Variants in GPAT3 observed in about 807,000 individuals in gnomAD.
GPAT3 encodes glycerol-3-phosphate acyltransferase 3, also known as 1-AGP acyltransferase 9.
GPAT3 carries 53 observed loss-of-function variants against 58.8 expected under a neutral mutation model. The ratio of observed to expected loss-of-function variants is 0.90; its 90% CI spans 0.72 to 1.13. The LOEUF (loss-of-function observed/expected upper bound fraction) is 1.13, where lower values mean the gene tolerates loss of function less well. GPAT3 is among the 50% of genes most tolerant of loss of function. The pLI is 0.00. For synonymous variants in GPAT3, 197 were observed against 187.4 expected (o/e 1.05, Z -0.42); for missense variants, 511 against 527.6 (o/e 0.97, Z 0.31).
intron 11 of GPAT3, among the ~76,000 whole-genome samples, chr4:83,599,483 T>C (rs1726974086): frequency 6.6e-6 from 1 of 152,196 alleles, no homozygotes; most frequent in East Asian, 1.9e-4. Flanking sequence ...GGGAATGTAG[T>C]CTTTGTTCTG....
chr4:83,578,395 A>G (rs1725898352), intron 2 of GPAT3, among the ~76,000 whole-genome samples: 1 of 152,202 alleles, frequency 6.6e-6, no homozygotes. Context: ...AGTTACACAG[A>G]ATAAACTAGG....
chr4:83,557,908 G>A (rs1055011501), intron 2 of GPAT3, among the ~76,000 whole-genome samples: 12 of 152,094 alleles, frequency 7.9e-5, no homozygotes, highest in Admixed American at 5.9e-4. Context: ...GTAGGAAACC[G>A]GAATAGAATT....
chr4:83,541,062 T>C (rs1224165540), intron 1 of GPAT3, among the ~76,000 whole-genome samples: 2 of 152,182 alleles, frequency 1.3e-5, no homozygotes, highest in African/African-American at 4.8e-5. Context: ...TCTGAGATGA[T>C]TACAGCCAGG....
intron 2 of GPAT3, among the ~76,000 whole-genome samples, chr4:83,555,394 T>C (rs1724911076): frequency 6.6e-6 from 1 of 151,998 alleles, no homozygotes; most frequent in Non-Finnish European, 1.5e-5. Context: ...AAATCGATCA[T>C]TTAATCATTT....
chr4:83,587,452 A>C, intron 4 of GPAT3, 123 bp downstream of exon 4: 1 of 906,468 alleles, frequency 1.1e-6, no homozygotes, highest in Admixed American at 3.0e-5. Context: ...TTTGAGACGG[A>C]GTCTCGTACT....
chr4:83,539,206 T>A (rs932032962), intron 1 of GPAT3, among the ~76,000 whole-genome samples: 1 of 152,236 alleles, frequency 6.6e-6, no homozygotes, highest in African/African-American at 2.4e-5. Context: ...TATGCTGATG[T>A]TTAGCATTAG....
chr4:83,568,583 T>C (rs1052554433), intron 2 of GPAT3, among the ~76,000 whole-genome samples: 50 of 151,818 alleles, frequency 3.3e-4, no homozygotes, highest in African/African-American at 1.2e-3. Context: ...TCTAGGCTCA[T>C]TGCAAGCTCC....
rs113408202 is a variant in GPAT3 at position 83,574,484 on chromosome 4, G to A, written c.209-7078G>A. Among the ~76,000 whole-genome samples, 662 of 145,544 alleles carry A rather than the reference G, an allele frequency of 4.5e-3. 5 individuals are homozygous for A. The highest frequency in any genetic ancestry group is 0.015 in the African/African-American group (621 of 41,324). Reference sequence around the variant, plus strand: ...CACAGGGCAGCTTGTGCAATTAATCGCTTGTGTGAGATAGACAGTTGTAAT... The same window carrying A: ...CACAGGGCAGCTTGTGCAATTAATCACTTGTGTGAGATAGACAGTTGTAAT... On this transcript the variant is annotated intron_variant, in intron 2 of 11. Transcript: ENST00000264409.
At chr4:83,562,224 TAATATATATATA>T (rs1560611189) in intron 2 of GPAT3, among the ~76,000 whole-genome samples, 1,322 of 62,908 alleles carry the variant, frequency 0.021, 20 homozygotes, top group Middle Eastern at 0.038. Context: ...TATATATATA[TAATATATATATA>T]ATATATATAT....
intron 7 of GPAT3, among the ~76,000 whole-genome samples, chr4:83,596,220 A>G (rs1726827269): frequency 6.6e-6 from 1 of 152,210 alleles, no homozygotes; most frequent in Non-Finnish European, 1.5e-5. Flanking sequence ...ACCTAAGTAC[A>G]TGGAGAAGAG....
Position 83,598,738 on chromosome 4 carries a change from A to G in GPAT3, c.1205+15A>G. On this transcript the variant is annotated intron_variant, in intron 11 of 11. Transcript: ENST00000264409. Reference sequence around the variant, plus strand: ...GAACTTCCCTGGTAAGAGAACTTTCAGAAGTACTATCACTTTTTTTTTTTT... The same window carrying G: ...GAACTTCCCTGGTAAGAGAACTTTCGGAAGTACTATCACTTTTTTTTTTTT... 1 of 731,876 alleles carries G rather than the reference A, an allele frequency of 1.4e-6. No individual in the cohort carries two copies. The highest frequency in any genetic ancestry group is 2.2e-6 in the Non-Finnish European group (1 of 463,922). The allele number at this position is 731,876 out of a possible 1,614,324, so 45.3% of individuals were successfully genotyped here. A position where few individuals can be genotyped will look rare whatever the true frequency, so the allele number is the denominator to read the frequency against.
chr4:83,546,446 A>G (rs1724514818), intron 2 of GPAT3, among the ~76,000 whole-genome samples: 2 of 146,290 alleles, frequency 1.4e-5, no homozygotes, highest in African/African-American at 5.1e-5. Context: ...TTGGATTACT[A>G]TTTTTATTAT....
intron 2 of GPAT3, among the ~76,000 whole-genome samples, chr4:83,555,524 C>T (rs1262587815): frequency 1.3e-5 from 2 of 152,210 alleles, no homozygotes; most frequent in Non-Finnish European, 2.9e-5. Flanking sequence ...TTCATGGGAA[C>T]AGAGGCTTCT....
rs764774460 is a variant in GPAT3 at position 83,536,565 on chromosome 4, G to T, written c.-58G>T. On this transcript the variant is annotated 5_prime_UTR_variant, in exon 1 of 12. Coordinates refer to ENST00000264409, the MANE Select transcript of GPAT3 (RefSeq NM_032717.5). The stretch of plus-strand genomic sequence containing the variant: ...TCCCGCGGGACTGCCTGGGGACAGG[G>T]ACTGCTGTGGCGCTCGGCCCTCCAC... 223 of 1,579,818 alleles carry T rather than the reference G, an allele frequency of 1.4e-4. No homozygotes were observed. Among genetic ancestry groups the T allele is most frequent in the Non-Finnish European group, 1.8e-4 (214 of 1,161,390 alleles).
intron 2 of GPAT3, among the ~76,000 whole-genome samples, chr4:83,554,321 A>T (rs1009446245): frequency 6.6e-6 from 1 of 152,160 alleles, no homozygotes; most frequent in African/African-American, 2.4e-5. Context: ...TGATAGGAGC[A>T]GACCTCTTAG....
At chr4:83,549,226 C>T (rs1724655597) in intron 2 of GPAT3, among the ~76,000 whole-genome samples, 1 of 150,464 alleles carries the variant, frequency 6.6e-6, no homozygotes, top group African/African-American at 2.4e-5. Flanking sequence ...TTTGGACAGG[C>T]CATTTTTGAT....
intron 2 of GPAT3, among the ~76,000 whole-genome samples, chr4:83,569,404 G>A (rs930956882): frequency 2.0e-5 from 3 of 152,210 alleles, no homozygotes; most frequent in Admixed American, 6.5e-5. Flanking sequence ...CCAAAAAAGA[G>A]AGACCATTTT....
At chr4:83,595,029 A>C in intron 7 of GPAT3, 69 bp downstream of exon 7, 2 of 1,375,394 alleles carry the variant, frequency 1.5e-6, no homozygotes, top group African/African-American at 2.9e-5. Flanking sequence ...CCTTGCTACC[A>C]AAGAGGGCCG....
chr4:83,578,955 T>TCTTTCTTTCTTG (rs1725937059), intron 2 of GPAT3, among the ~76,000 whole-genome samples: 8 of 88,700 alleles, frequency 9.0e-5, no homozygotes, highest in African/African-American at 3.3e-4. Flanking sequence ...TTCTTTTCTT[T>TCTTTCTTTCTTG]CTTTCTTTCT....
Sources: gnomAD v4.1 joint callset for allele counts (sites outside exome capture counted in the v4.1 genomes callset) on GRCh38, gnomAD v4.1.1 for gene constraint, MANE v1.5 for transcripts, NCBI Gene and HGNC (gene_info 2026-07-23, HGNC 2026-07-21) for gene names.